The following ARHGAP26 variants were observed in gnomAD, a reference collection of about 807,000 sequenced individuals.
The protein encoded by ARHGAP26 is rho GTPase-activating protein 26.
In ARHGAP26, 38 loss-of-function variants were observed where a neutral mutation model predicts 104.8. That is an observed-to-expected ratio of 0.36 (90% CI 0.28 to 0.48). The LOEUF is 0.48. Among genes scored for constraint, ARHGAP26 ranks in the 20% least tolerant of loss-of-function variants. The probability of loss-of-function intolerance (pLI) is 0.99; values close to 1 mark genes in which losing one functional copy is unlikely to be tolerated. For synonymous variants in ARHGAP26, 341 were observed against 340.0 expected (o/e 1.00, Z -0.03); for missense variants, 704 against 947.9 (o/e 0.74, Z 3.38).
chr5:143,218,591 T>A (rs371879362), intron 22 of ARHGAP26, among the ~76,000 whole-genome samples: 1 of 152,332 alleles, frequency 6.6e-6, no homozygotes, highest in East Asian at 1.9e-4. Context: ...CACAGGGATG[T>A]ATGGTGTACA....
intron 1 of ARHGAP26, among the ~76,000 whole-genome samples, chr5:142,861,003 C>T (rs554533313): frequency 3.9e-5 from 6 of 152,178 alleles, no homozygotes; most frequent in African/African-American, 7.2e-5. Flanking sequence ...CTATTGCAAG[C>T]GGTGTTCAGA....
chr5:142,980,483 G>A (rs147766518), intron 11 of ARHGAP26, among the ~76,000 whole-genome samples: 3,807 of 151,640 alleles, frequency 0.025, 72 homozygotes, highest in Middle Eastern at 0.051. Context: ...CCGTTTCCTG[G>A]GTTTAAGCAA....
At chr5:143,074,099 A>AT (rs572655393) in intron 17 of ARHGAP26, among the ~76,000 whole-genome samples, 2 of 151,864 alleles carry the variant, frequency 1.3e-5, no homozygotes, top group East Asian at 1.9e-4. Flanking sequence ...GTTTTTGTGG[A>AT]TTTTTTTTCA....
At chr5:142,945,347 G>A (rs1766946006) in intron 11 of ARHGAP26, among the ~76,000 whole-genome samples, 1 of 152,130 alleles carries the variant, frequency 6.6e-6, no homozygotes, top group African/African-American at 2.4e-5. Context: ...CTATTCTAAA[G>A]GGCAGTCTCT....
intron 20 of ARHGAP26, among the ~76,000 whole-genome samples, chr5:143,199,956 G>C (rs989952289): frequency 2.6e-5 from 4 of 152,162 alleles, no homozygotes; most frequent in African/African-American, 9.7e-5. Flanking sequence ...CACATCTCCA[G>C]GTTGTGGATA....
At chr5:142,837,349 G>GTT (rs10708371) in intron 1 of ARHGAP26, among the ~76,000 whole-genome samples, 32 of 147,180 alleles carry the variant, frequency 2.2e-4, no homozygotes, top group African/African-American at 7.7e-4. Flanking sequence ...GCAAAATTCT[G>GTT]TTTTTTTTTT....
At chr5:143,094,861 G>A (rs1374233183) in intron 17 of ARHGAP26, among the ~76,000 whole-genome samples, 1 of 152,086 alleles carries the variant, frequency 6.6e-6, no homozygotes, top group Non-Finnish European at 1.5e-5. Flanking sequence ...AATGAGTCGG[G>A]GTGGAGCAGG....
intron 11 of ARHGAP26, among the ~76,000 whole-genome samples, chr5:142,980,448 G>T (rs1170976198): frequency 1.3e-5 from 2 of 150,944 alleles, no homozygotes; most frequent in Non-Finnish European, 2.9e-5. Context: ...GAGTGCGGTG[G>T]TGCGATCTAG....
chr5:143,066,159 TC>T (rs1253669206), intron 17 of ARHGAP26, among the ~76,000 whole-genome samples: 1 of 152,210 alleles, frequency 6.6e-6, no homozygotes, highest in African/African-American at 2.4e-5. Flanking sequence ...CACAAGTACT[TC>T]CCATTGTGTC....
chr5:143,077,409 G>A (rs915288430), intron 17 of ARHGAP26, among the ~76,000 whole-genome samples: 1 of 152,196 alleles, frequency 6.6e-6, no homozygotes, highest in Non-Finnish European at 1.5e-5. Context: ...CACCCAGAGA[G>A]ATCTGACATA....
At chr5:143,103,454 A>C (rs943506446) in intron 17 of ARHGAP26, 3 of 152,924 alleles carry the variant, frequency 2.0e-5, no homozygotes, top group African/African-American at 7.2e-5. Flanking sequence ...GTATATACCC[A>C]AAGGATTATA....
chr5:143,003,687 A>G (rs1054778636), intron 11 of ARHGAP26, among the ~76,000 whole-genome samples: 2 of 152,198 alleles, frequency 1.3e-5, no homozygotes, highest in African/African-American at 2.4e-5. Context: ...TAAGTTAGGA[A>G]ATATTTGTGG....
rs1562046854 is a variant in ARHGAP26, at chr5:142,902,058, AG to A, written c.702+21del. On this transcript the variant is annotated intron_variant, in intron 7 of 22. Coordinates refer to ENST00000645722, the MANE Select transcript of ARHGAP26 (RefSeq NM_001135608.3). ...ACAGAACGTGAGTGGGCATAGGGAC[AG>A]GCTTCTTTTATCTGGTTAAGGAAAA... is the stretch of plus-strand genomic sequence containing the variant. 1 of 1,603,370 alleles carries A rather than the reference AG, an allele frequency of 6.2e-7. No homozygotes were observed. Among genetic ancestry groups the A allele is most frequent in the Non-Finnish European group, 8.5e-7 (1 of 1,171,686 alleles).
intron 11 of ARHGAP26, among the ~76,000 whole-genome samples, chr5:142,981,500 G>A (rs1281377979): frequency 1.3e-5 from 2 of 152,172 alleles, no homozygotes; most frequent in Admixed American, 6.5e-5. Flanking sequence ...AAGGCCATGA[G>A]CTACCCTCAT....
chr5:142,807,926 TC>T (rs1763289093), intron 1 of ARHGAP26, among the ~76,000 whole-genome samples: 1 of 152,320 alleles, frequency 6.6e-6, no homozygotes, highest in Admixed American at 6.5e-5. Flanking sequence ...TATTCATTTC[TC>T]TTTTATTTTT....
chr5:143,009,851 A>T (rs1778495239), intron 11 of ARHGAP26, among the ~76,000 whole-genome samples: 1 of 152,208 alleles, frequency 6.6e-6, no homozygotes, highest in Non-Finnish European at 1.5e-5. Flanking sequence ...GGGTTGTTGA[A>T]GGTGCATTAA....
intron 17 of ARHGAP26, among the ~76,000 whole-genome samples, chr5:143,081,840 C>A (rs576154476): frequency 6.6e-6 from 1 of 151,956 alleles, no homozygotes; most frequent in Non-Finnish European, 1.5e-5. Context: ...AGTGAAACCC[C>A]GTCTCTACTA....
Position 143,090,287 on chromosome 5 carries a change from G to A in ARHGAP26, c.1539-30701G>A, listed in dbSNP as rs184404320. On this transcript the variant is annotated intron_variant, in intron 17 of 22. Coordinates refer to ENST00000645722, the MANE Select transcript of ARHGAP26 (RefSeq NM_001135608.3). ...GACTGGAGGACCACCCTAGTGGAAA[G>A]GGGACAGTCTGGGCCTCTGGCCTGC... 6.2e-4 allele frequency among the ~76,000 whole-genome samples: 94 copies of A among 152,386 alleles called. 1 individual carries two copies. In the East Asian group the frequency reaches 0.012, roughly 19 times the overall value.
At chr5:142,803,238 A>G (rs1259367080) in intron 1 of ARHGAP26, among the ~76,000 whole-genome samples, 3 of 152,240 alleles carry the variant, frequency 2.0e-5, no homozygotes, top group African/African-American at 7.2e-5. Flanking sequence ...TCAGATAAAT[A>G]ATGAAAAATT....
Sources: gnomAD v4.1 joint callset for allele counts (sites outside exome capture counted in the v4.1 genomes callset) on GRCh38, gnomAD v4.1.1 for gene constraint, MANE v1.5 for transcripts, NCBI Gene and HGNC (gene_info 2026-07-23, HGNC 2026-07-21) for gene names.